MGAT4C: variants seen among roughly 807,000 people sequenced by gnomAD.
MGAT4C encodes alpha-1,3-mannosyl-glycoprotein 4-beta-N-acetylglucosaminyltransferase C.
A neutral mutation model predicts 40.1 loss-of-function variants in MGAT4C; 19 were observed. That is an observed-to-expected ratio of 0.47 (90% CI 0.33 to 0.70). MGAT4C has a LOEUF of 0.70. Among genes scored for constraint, MGAT4C ranks in the 30% least tolerant of loss-of-function variants. The probability of loss-of-function intolerance (pLI) is 0.02; values close to 1 mark genes in which losing one functional copy is unlikely to be tolerated. For missense variants in MGAT4C, 491 were observed against 563.2 expected (o/e 0.87, Z 1.30); for synonymous variants, 181 against 187.1 (o/e 0.97, Z 0.27).
At chr12:86,010,721 A>T (rs1888383640) in intron 2 of MGAT4C, among the ~76,000 whole-genome samples, 1 of 152,060 alleles carries the variant, frequency 6.6e-6, no homozygotes, top group African/African-American at 2.4e-5. Flanking sequence ...CACAAAACCC[A>T]TGTTGAAAGA....
intron 1 of MGAT4C, among the ~76,000 whole-genome samples, chr12:86,112,232 A>C (rs1877559101): frequency 6.6e-6 from 1 of 151,788 alleles, no homozygotes; most frequent in African/African-American, 2.4e-5. Flanking sequence ...TCACCTTTAG[A>C]GGGTGGATGA....
At chr12:86,732,829 A>C (rs1201969901) in intron 1 of MGAT4C, among the ~76,000 whole-genome samples, 1 of 115,862 alleles carries the variant, frequency 8.6e-6, no homozygotes, top group East Asian at 2.7e-4. Context: ...TTTCTCCAGC[A>C]AAAAAAAAAA....
chr12:86,825,805 C>T (rs938495514), intron 1 of MGAT4C, among the ~76,000 whole-genome samples: 5 of 151,302 alleles, frequency 3.3e-5, no homozygotes, highest in African/African-American at 9.7e-5. Context: ...TTGGCTGATG[C>T]AAGTGAACAT....
intron 2 of MGAT4C, among the ~76,000 whole-genome samples, chr12:86,489,738 G>C (rs1958095100): frequency 6.6e-6 from 1 of 152,134 alleles, no homozygotes; most frequent in Non-Finnish European, 1.5e-5. Flanking sequence ...AGGCACCCTT[G>C]TCAGGAGTCC....
chr12:86,799,105 G>A (rs1033948766), intron 1 of MGAT4C, among the ~76,000 whole-genome samples: 2 of 151,190 alleles, frequency 1.3e-5, no homozygotes. Context: ...TGAAGAGAAG[G>A]ATTTGATTTT....
At chr12:86,491,463 C>T (rs1044993925) in intron 2 of MGAT4C, among the ~76,000 whole-genome samples, 122 of 152,190 alleles carry the variant, frequency 8.0e-4, no homozygotes, top group Non-Finnish European at 1.3e-3. Context: ...AAGTGGGCTT[C>T]ATCCCTGGGA....
intron 1 of MGAT4C, among the ~76,000 whole-genome samples, chr12:86,088,957 T>C (rs566811304): frequency 6.6e-6 from 1 of 152,178 alleles, no homozygotes; most frequent in Non-Finnish European, 1.5e-5. Flanking sequence ...TCTTATTTCA[T>C]CGAGGTGCAC....
rs12318998 is a variant in MGAT4C at position 86,304,684 on chromosome 12, T to C, written c.-57+29381A>G. Among the ~76,000 whole-genome samples the C allele has an allele frequency of 8.6e-3, 1,290 of 150,856 alleles. 136 individuals carry two copies. The highest frequency in any genetic ancestry group is 0.031 in the African/African-American group (1,237 of 40,226). Reference sequence around the variant, plus strand: ...TGACCTTACCTGAAAATAAGTTCTTTGTAGATTTTAATAAGGTTAAGATGA... The same window carrying C: ...TGACCTTACCTGAAAATAAGTTCTTCGTAGATTTTAATAAGGTTAAGATGA... On this transcript the variant is annotated intron_variant, in intron 4 of 7. Transcript: ENST00000548651.
At chr12:86,647,486 C>T (rs1305345786) in intron 2 of MGAT4C, among the ~76,000 whole-genome samples, 1 of 151,818 alleles carries the variant, frequency 6.6e-6, no homozygotes, top group Non-Finnish European at 1.5e-5. Context: ...CCTGATTTTT[C>T]TCTTTTCTCA....
chr12:86,155,270 G>A (rs947538427), intron 1 of MGAT4C, among the ~76,000 whole-genome samples: 7 of 152,124 alleles, frequency 4.6e-5, no homozygotes, highest in Non-Finnish European at 8.8e-5. Flanking sequence ...TGTAGGCAAC[G>A]GAAATAATTT....
At chr12:86,038,645 G>T (rs748404661) in intron 2 of MGAT4C, among the ~76,000 whole-genome samples, 1 of 149,370 alleles carries the variant, frequency 6.7e-6, no homozygotes, top group Admixed American at 6.7e-5. Flanking sequence ...ATGTGAGATA[G>T]GTCTCCTGAA....
intron 1 of MGAT4C, among the ~76,000 whole-genome samples, chr12:86,741,781 T>C (rs899679270): frequency 2.0e-5 from 3 of 151,536 alleles, no homozygotes; most frequent in South Asian, 2.1e-4. Flanking sequence ...CTAAGGACTC[T>C]TCTAATCCTG....
At chr12:86,327,765 T>A (rs1592701819) in intron 4 of MGAT4C, among the ~76,000 whole-genome samples, 1 of 152,132 alleles carries the variant, frequency 6.6e-6, no homozygotes, top group Non-Finnish European at 1.5e-5. Flanking sequence ...TTTCAATCAA[T>A]CTGTTTCTTT....
At chr12:86,630,902 G>T (rs1409991650) in intron 2 of MGAT4C, among the ~76,000 whole-genome samples, 1 of 152,036 alleles carries the variant, frequency 6.6e-6, no homozygotes, top group Non-Finnish European at 1.5e-5. Context: ...AGTTCAGGCC[G>T]GGGCAATCAG....
At chr12:86,604,232 ACTT>A (rs1397138068) in intron 2 of MGAT4C, among the ~76,000 whole-genome samples, 2 of 152,108 alleles carry the variant, frequency 1.3e-5, no homozygotes, top group African/African-American at 4.8e-5. Context: ...GCTTGGGAGA[ACTT>A]CTTTTGAAAT....
chr12:86,805,174 G>T (rs892928987), intron 1 of MGAT4C, among the ~76,000 whole-genome samples: 3 of 151,950 alleles, frequency 2.0e-5, no homozygotes, highest in African/African-American at 7.2e-5. Flanking sequence ...TAATTGTCTT[G>T]ATTACTAGTG....
At chr12:86,563,278 C>G (rs1463877297) in intron 2 of MGAT4C, among the ~76,000 whole-genome samples, 1 of 152,170 alleles carries the variant, frequency 6.6e-6, no homozygotes, top group Non-Finnish European at 1.5e-5. Flanking sequence ...ACTGGTGACA[C>G]TCAACTGTCA....
At chr12:86,737,136 G>A (rs559560214) in intron 1 of MGAT4C, among the ~76,000 whole-genome samples, 10 of 150,510 alleles carry the variant, frequency 6.6e-5, no homozygotes, top group African/African-American at 1.2e-4. Context: ...TGGCTGCTTC[G>A]CTTGATTCCT....
intron 1 of MGAT4C, among the ~76,000 whole-genome samples, chr12:86,169,002 T>A (rs1886498555): frequency 6.6e-6 from 1 of 152,088 alleles, no homozygotes; most frequent in African/African-American, 2.4e-5. Context: ...ATGTTGGAGA[T>A]AAGATTGTAA....
Sources: gnomAD v4.1 joint callset for allele counts (sites outside exome capture counted in the v4.1 genomes callset) on GRCh38, gnomAD v4.1.1 for gene constraint, MANE v1.5 for transcripts, NCBI Gene and HGNC (gene_info 2026-07-23, HGNC 2026-07-21) for gene names.